The following CSMD3 variants were observed in gnomAD, a reference collection of about 807,000 sequenced individuals.
CSMD3 encodes the protein CUB and sushi domain-containing protein 3.
A neutral mutation model predicts 435.2 loss-of-function variants in CSMD3; 177 were observed. The ratio of observed to expected loss-of-function variants is 0.41; its 90% CI spans 0.36 to 0.46. CSMD3 has a LOEUF of 0.46. Ranked by LOEUF, CSMD3 falls within the 20% of genes least tolerant of loss-of-function variation. The pLI is 0.34. For missense variants in CSMD3, 4,265 were observed against 4,504.6 expected, an observed-to-expected ratio of 0.95 and a Z score of 1.52; for synonymous variants, 1,656 against 1,520.5, an observed-to-expected ratio of 1.09 and a Z score of -2.07.
At chr8:112,993,070 G>A (rs2085514887) in intron 6 of CSMD3, among the ~76,000 whole-genome samples, 1 of 151,734 alleles carries the variant, frequency 6.6e-6, no homozygotes, top group South Asian at 2.1e-4. Flanking sequence ...AGAGTCAAGA[G>A]CAGGATCCAT....
intron 20 of CSMD3, among the ~76,000 whole-genome samples, chr8:112,641,516 C>T (rs2074825894): frequency 6.6e-6 from 1 of 152,036 alleles, no homozygotes; most frequent in Non-Finnish European, 1.5e-5. Flanking sequence ...CAAAGGGGTC[C>T]GTAGAGGGGT....
At chr8:113,016,765 A>G (rs1587893679) in intron 6 of CSMD3, among the ~76,000 whole-genome samples, 1 of 152,024 alleles carries the variant, frequency 6.6e-6, no homozygotes, top group East Asian at 1.9e-4. Context: ...GTAGCATGGA[A>G]CAATGTAAAA....
chr8:112,831,800 G>T (rs2132489157), intron 11 of CSMD3, among the ~76,000 whole-genome samples: 1 of 152,172 alleles, frequency 6.6e-6, no homozygotes, highest in Admixed American at 6.6e-5. Context: ...GTGAACAGAT[G>T]AAGCTGCTTA....
intron 1 of CSMD3, among the ~76,000 whole-genome samples, chr8:113,404,604 A>T (rs1485697418): frequency 6.6e-6 from 1 of 151,406 alleles, no homozygotes; most frequent in Non-Finnish European, 1.5e-5. Context: ...ATATTGTCTG[A>T]GCAGGATATA....
chr8:113,279,590 A>G lies in CSMD3; in HGVS notation c.402-886T>C, dbSNP rs1375259749. 3.3e-5 allele frequency among the ~76,000 whole-genome samples: 5 copies of G among 151,764 alleles called. No individual in the cohort carries two copies. In the East Asian group the frequency reaches 9.6e-4, roughly 29 times the overall value. On this transcript the variant is annotated intron_variant, in intron 2 of 70. Coordinates refer to ENST00000297405, the MANE Select transcript of CSMD3 (RefSeq NM_198123.2). ...AAGCTGGGTTTCTGTATATATGTTT[A>G]AATAATCAGCATGTAGTGGCATGTT...
At chr8:112,494,567 C>A (rs1039034258) in intron 30 of CSMD3, among the ~76,000 whole-genome samples, 25 of 93,616 alleles carry the variant, frequency 2.7e-4, no homozygotes, top group Admixed American at 2.0e-3. Context: ...TTCTTTCTTT[C>A]TTTCTTTTCT....
At chr8:112,441,002 C>A (rs1312535391) in intron 32 of CSMD3, among the ~76,000 whole-genome samples, 2 of 152,184 alleles carry the variant, frequency 1.3e-5, no homozygotes, top group Admixed American at 6.5e-5. Flanking sequence ...GTAACTTATG[C>A]AGATTTCTTT....
chr8:112,407,918 C>T (rs1832001773), intron 34 of CSMD3, among the ~76,000 whole-genome samples: 2 of 151,988 alleles, frequency 1.3e-5, no homozygotes, highest in African/African-American at 2.4e-5. Flanking sequence ...TAGAATGGAA[C>T]ACTGATTTCC....
intron 3 of CSMD3, among the ~76,000 whole-genome samples, chr8:113,263,851 A>T (rs1228217764): frequency 6.6e-6 from 1 of 151,832 alleles, no homozygotes. Context: ...GTTAAAGCTG[A>T]TAGTTATTAT....
At chr8:112,980,288 A>G (rs1004999076) in intron 6 of CSMD3, among the ~76,000 whole-genome samples, 15 of 151,100 alleles carry the variant, frequency 9.9e-5, no homozygotes, top group Non-Finnish European at 1.9e-4. Flanking sequence ...AAAATATATA[A>G]GAACATGTAA....
At chr8:112,250,660 T>A (rs1815178621) in intron 63 of CSMD3, among the ~76,000 whole-genome samples, 1 of 151,684 alleles carries the variant, frequency 6.6e-6, no homozygotes, top group African/African-American at 2.4e-5. Flanking sequence ...ATTCAAAAAA[T>A]TCTTGGAAAA....
chr8:112,729,983 C>A (rs1271470089), intron 13 of CSMD3, among the ~76,000 whole-genome samples: 1 of 152,040 alleles, frequency 6.6e-6, no homozygotes, highest in Non-Finnish European at 1.5e-5. Context: ...AACAAATATA[C>A]TATTGAAGTA....
At chr8:112,665,152 A>G (rs1316648419) in intron 17 of CSMD3, among the ~76,000 whole-genome samples, 2 of 152,202 alleles carry the variant, frequency 1.3e-5, no homozygotes, top group African/African-American at 4.8e-5. Context: ...GATCATATCT[A>G]TATAAGTCAA....
At chr8:113,403,179 T>C (rs2094517836) in intron 1 of CSMD3, among the ~76,000 whole-genome samples, 1 of 151,328 alleles carries the variant, frequency 6.6e-6, no homozygotes, top group Non-Finnish European at 1.5e-5. Flanking sequence ...GTTTTTTATA[T>C]ATATTTTAAC....
chr8:112,487,519 G>T (rs1173221743), intron 31 of CSMD3, among the ~76,000 whole-genome samples: 1 of 152,104 alleles, frequency 6.6e-6, no homozygotes, highest in Non-Finnish European at 1.5e-5. Context: ...TAGAACTTTG[G>T]ATTATAAGAT....
At chr8:112,549,375 C>T (rs1468594945) in intron 27 of CSMD3, among the ~76,000 whole-genome samples, 1 of 151,844 alleles carries the variant, frequency 6.6e-6, no homozygotes, top group Non-Finnish European at 1.5e-5. Flanking sequence ...TCCATTTTCT[C>T]AAAATATATA....
chr8:112,540,542 A>G (rs192607115), intron 27 of CSMD3, among the ~76,000 whole-genome samples: 1 of 152,040 alleles, frequency 6.6e-6, no homozygotes, highest in Non-Finnish European at 1.5e-5. Flanking sequence ...TCATTTGATG[A>G]GTGGATAAAG....
chr8:113,249,015 G>A (rs1259314468), intron 3 of CSMD3, among the ~76,000 whole-genome samples: 1 of 152,024 alleles, frequency 6.6e-6, no homozygotes, highest in Non-Finnish European at 1.5e-5. Flanking sequence ...CGTGTCAAGG[G>A]TAGGACCAGA....
intron 32 of CSMD3, among the ~76,000 whole-genome samples, chr8:112,431,170 G>A (rs930315910): frequency 2.6e-5 from 4 of 151,988 alleles, no homozygotes; most frequent in Non-Finnish European, 5.9e-5. Context: ...AACTACCTCT[G>A]GATATTGACA....
Sources: gnomAD v4.1 joint callset for allele counts (sites outside exome capture counted in the v4.1 genomes callset) on GRCh38, gnomAD v4.1.1 for gene constraint, MANE v1.5 for transcripts, NCBI Gene and HGNC (gene_info 2026-07-23, HGNC 2026-07-21) for gene names.